The following TAF1 variants were observed in gnomAD, a reference collection of about 807,000 sequenced individuals.
TAF1 encodes the protein transcription initiation factor TFIID subunit 1.
Under a neutral mutation model 138.5 loss-of-function variants are expected in TAF1, and 2 were observed. The observed-to-expected ratio is 0.01, with a 90% CI of 0.01 to 0.05. The LOEUF is 0.05. Among genes scored for constraint, TAF1 ranks in the 10% least tolerant of loss-of-function variants. The pLI is 1.00. For missense variants in TAF1, 709 were observed against 1,478.0 expected (o/e 0.48, Z 8.53); for synonymous variants, 437 against 503.2 (o/e 0.87, Z 1.76).
At chrX:71,491,464 A>G (rs1045335496) in intron 13 of TAF1, among the ~76,000 whole-genome samples, 1 of 110,662 alleles carries the variant, frequency 9.0e-6, no homozygotes, top group Non-Finnish European at 1.9e-5. Context: ...AATCTTGTGA[A>G]GGTGGCAGCA....
intron 13 of TAF1, among the ~76,000 whole-genome samples, chrX:71,525,691 C>G (rs1321699382): frequency 9.2e-6 from 1 of 109,069 alleles, no homozygotes; most frequent in East Asian, 2.9e-4. Context: ...CTTGCTTGGT[C>G]GCCCAGGCTG....
chrX:71,426,621 A>G (rs2036603325), intron 32 of TAF1, among the ~76,000 whole-genome samples: 1 of 110,197 alleles, frequency 9.1e-6, no homozygotes, highest in Non-Finnish European at 1.9e-5. Context: ...AGGCTGAGGC[A>G]GGAGAATCGC....
At chrX:71,424,414 CTTTTT>C (rs140301261) in intron 32 of TAF1, among the ~76,000 whole-genome samples, 176 bp downstream of exon 32, 1 of 29,933 alleles carries the variant, frequency 3.3e-5, no homozygotes, top group Non-Finnish European at 5.5e-5. Flanking sequence ...GTGCCAGGCT[CTTTTT>C]TTTTTTTTTT....
At position 71,420,580 on chromosome X, in the gene TAF1, C is replaced by G. The variant is rs923054962; in HGVS notation, c.4385-729C>G. The G allele has an allele frequency of 3.1e-5, 37 of 1,208,460 alleles. No individual in the cohort carries two copies. In the African/African-American group the frequency reaches 5.9e-4, roughly 19 times the overall value. On this transcript the variant is annotated intron_variant, in intron 28 of 37. Transcript: ENST00000423759. ...TACTCATCTGCTTCTCTACCTCGTTCTGTAGCTCCTTTAGCTTCTCAGCTT... is the reference window on the plus strand; with the variant it reads ...TACTCATCTGCTTCTCTACCTCGTTGTGTAGCTCCTTTAGCTTCTCAGCTT...
downstream of TAF1, among the ~76,000 whole-genome samples, chrX:71,470,876 A>C (rs1390299398): frequency 9.2e-6 from 1 of 108,283 alleles, no homozygotes; most frequent in Non-Finnish European, 1.9e-5. Context: ...AGAATAAATA[A>C]AAACAGGTGG....
chrX:71,375,075 CAAAAA>C, intron 3 of TAF1, 87 bp from the exon 4 acceptor site: 2 of 917,195 alleles, frequency 2.2e-6, no homozygotes, highest in Non-Finnish European at 2.8e-6. Context: ...GACTCTGTCT[CAAAAA>C]AAAAAAAAAA....
intron 13 of TAF1, among the ~76,000 whole-genome samples, chrX:71,487,602 C>T (rs1281953309): frequency 9.0e-6 from 1 of 111,455 alleles, no homozygotes; most frequent in Non-Finnish European, 1.9e-5. Flanking sequence ...GAATTACAGG[C>T]GTGAGCCACC....
chrX:71,420,991 T>C (rs1386822047), intron 28 of TAF1, among the ~76,000 whole-genome samples: 1 of 112,796 alleles, frequency 8.9e-6, no homozygotes, highest in Non-Finnish European at 1.9e-5. Flanking sequence ...GCCTGCTCAC[T>C]CTTTAGGCAT....
At chrX:71,419,017 T>C (rs1018891261) in intron 28 of TAF1, among the ~76,000 whole-genome samples, 4 of 111,347 alleles carry the variant, frequency 3.6e-5, no homozygotes, top group African/African-American at 1.3e-4. Context: ...TCCGCCTGCC[T>C]CGGCCTCCCA....
In TAF1 at chrX:71,506,045, A is replaced by T. The variant is rs181274308; in HGVS notation, c.1367-22497A>T. ...AGTAATAATAATAATAATAATTTTT[A>T]AAAAATTAGCCAAGCATGGTGGTGT... is the stretch of plus-strand genomic sequence containing the variant. On this transcript the variant is annotated intron_variant and NMD_transcript_variant, in intron 13 of 14. Coordinates refer to the TAF1 transcript ENST00000373775. Among the ~76,000 whole-genome samples, 320 of 101,385 alleles carry T rather than the reference A, an allele frequency of 3.2e-3. 1 individual carries two copies. Among genetic ancestry groups the T allele is most frequent in the African/African-American group, 0.01 (289 of 27,792 alleles). The allele number at this position is 101,385 out of a possible 115,157, so 88.0% of individuals were successfully genotyped here.
chrX:71,429,668 TGGA>T (rs1420536771), intron 32 of TAF1, among the ~76,000 whole-genome samples: 1 of 111,055 alleles, frequency 9.0e-6, no homozygotes, highest in Non-Finnish European at 1.9e-5. Flanking sequence ...AAGAATGGAT[TGGA>T]GGAGGAGAAT....
chrX:71,383,225 A>G (rs1401429675), intron 12 of TAF1, 61 bp downstream of exon 12: 1 of 1,106,230 alleles, frequency 9.0e-7, no homozygotes, highest in African/African-American at 1.8e-5. Context: ...AATTAAGGGA[A>G]TGTACCAGGT....
chrX:71,522,969 C>G lies in TAF1; in HGVS notation c.1367-5573C>G, dbSNP rs768279559. ...GGCCGAGGCAAGGAGATCACCTGAG[C>G]TCAGGAGTTCAAGACCAGCCTGGGC... is the stretch of plus-strand genomic sequence containing the variant. On this transcript the variant is annotated intron_variant and NMD_transcript_variant, in intron 13 of 14. Transcript: ENST00000373775. Among the ~76,000 whole-genome samples, 10 of 109,116 alleles carry G rather than the reference C, an allele frequency of 9.2e-5. No homozygotes were observed. In the East Asian group the frequency reaches 1.7e-3, roughly 19 times the overall value. The allele number at this position is 109,116 out of a possible 115,157, so 94.8% of individuals were successfully genotyped here.
downstream of TAF1, among the ~76,000 whole-genome samples, chrX:71,468,904 C>T (rs1198003617): frequency 1.8e-5 from 2 of 108,652 alleles, no homozygotes; most frequent in African/African-American, 6.7e-5. Context: ...GCAGGAGGAA[C>T]GCTTGGGACT....
chrX:71,408,743 C>T (rs186471160), intron 28 of TAF1, among the ~76,000 whole-genome samples: 4 of 106,137 alleles, frequency 3.8e-5, no homozygotes, highest in South Asian at 9.8e-4. Context: ...GAGAGACATT[C>T]GGCTGGGCGC....
At chrX:71,497,281 C>T (rs763289104) in intron 13 of TAF1, among the ~76,000 whole-genome samples, 2 of 111,894 alleles carry the variant, frequency 1.8e-5, no homozygotes, top group Non-Finnish European at 1.9e-5. Flanking sequence ...GGCAGTCATG[C>T]TCGATTAGTT....
chrX:71,366,507 G>A lies in TAF1; in HGVS notation c.120+13G>A. ...CGTCTTGGATGATGTGAGGGGGTGG[G>A]CGTGGGGGTAGGGCTCGGGGGGTGG... On this transcript the variant is annotated intron_variant, in intron 1 of 37. Transcript: ENST00000423759. 2 of 1,083,886 alleles carry A rather than the reference G, an allele frequency of 1.8e-6. No homozygotes were observed. Among genetic ancestry groups the A allele is most frequent in the Non-Finnish European group, 2.5e-6 (2 of 814,200 alleles). 89.3% of individuals were successfully genotyped at this position (1,083,886 alleles called of 1,213,427 possible).
chrX:71,387,263 A>G lies in TAF1; in HGVS notation c.2229A>G (p.Ala743=). 1.7e-6 allele frequency: 2 copies of G among 1,211,863 alleles called. No individual in the cohort carries two copies. Among genetic ancestry groups the G allele is most frequent in the Non-Finnish European group, 2.2e-6 (2 of 895,483 alleles). The change falls in exon 15 of 38, where the codon GCA becomes GCG. Residue 743 remains alanine (A), a splice_region_variant and synonymous_variant. Transcript: ENST00000423759. ...GSLHPGQLLQ[A]FENNLFRAPI... is the part of the protein sequence containing the mutation. The stretch of plus-strand genomic sequence containing the variant: ...TTTTGTGTTTTTACTTTTGTTAGGC[A>G]TTTGAGAACAACCTTTTTCGTGCTC...
chrX:71,510,983 A>G (rs1005225218), intron 13 of TAF1, among the ~76,000 whole-genome samples: 2 of 111,195 alleles, frequency 1.8e-5, no homozygotes, highest in Non-Finnish European at 3.8e-5. Flanking sequence ...CATGCCTGTA[A>G]TCCCAGCTAC....
Sources: gnomAD v4.1 joint callset for allele counts (sites outside exome capture counted in the v4.1 genomes callset) on GRCh38, gnomAD v4.1.1 for gene constraint, MANE v1.5 for transcripts, NCBI Gene and HGNC (gene_info 2026-07-23, HGNC 2026-07-21) for gene names.